Variants in PNPLA6 observed in about 807,000 individuals in gnomAD.
PNPLA6 encodes the protein patatin-like phospholipase domain-containing protein 6.
A neutral mutation model predicts 153.7 loss-of-function variants in PNPLA6; 105 were observed. That is an observed-to-expected ratio of 0.68 (90% confidence interval 0.58 to 0.80). PNPLA6 has a LOEUF of 0.80. Ranked by LOEUF, PNPLA6 falls within the 30% of genes least tolerant of loss-of-function variation. The probability of loss-of-function intolerance (pLI) is 0.00; values close to 1 mark genes in which losing one functional copy is unlikely to be tolerated. For missense variants in PNPLA6, 1,423 were observed against 1,919.3 expected (o/e 0.74, Z 4.83); for synonymous variants, 825 against 822.2 (o/e 1.00, Z -0.06).
chr19:7,555,718 G>A lies in PNPLA6; in HGVS notation c.3048G>A (p.Glu1016=). ...GSFIGALYAE[E]RSASRTKQRA... is the part of the protein sequence containing the mutation. ...TCATCGGAGCGTTGTACGCGGAGGA[G>A]CGCAGCGCCAGCCGCACGAAGCAGC... Residue 1016 remains glutamate (E), a synonymous_variant, in exon 24 of 32, where the codon GAG becomes GAA. Transcript: ENST00000600737. This position sits in a 1 kb window ranked among gnomAD's most constrained non-coding sequence, Gnocchi z 6.3. 2 of 1,613,886 alleles carry A rather than the reference G, an allele frequency of 1.2e-6. No homozygotes were observed. Among genetic ancestry groups the A allele is most frequent in the South Asian group, 1.1e-5 (1 of 91,082 alleles).
At position 7,535,861 on chromosome 19, in the gene PNPLA6, G is replaced by C; in HGVS notation, c.73G>C (p.Asp25His). The C allele has an allele frequency of 6.5e-7, 1 of 1,539,510 alleles. No homozygotes were observed. The highest frequency in any genetic ancestry group is 1.2e-5 in the South Asian group (1 of 84,212). The change falls in exon 1 of 32, where the codon GAC (aspartate) becomes CAC (histidine). Residue 25 changes from aspartate to histidine, a missense_variant. Transcript: ENST00000600737. The surrounding 1 kb of genome is among the most constrained non-coding windows in gnomAD (Gnocchi z 5.0). The part of the protein sequence containing the change: ...AKVAERDGFQ[D>H]VLAPGEGSAG... ...GGTGGCGGAGAGGGATGGGTTCCAG[G>C]ACGTCCTGGCGCCCGGGGAAGGCTC...
chr19:7,554,243 G>A lies in PNPLA6; in HGVS notation c.2436G>A (p.Arg812=), dbSNP rs2023772965. ...PTLLLNSDII[R]ARLGASALDS... ...TACTCCTTAACAGTGACATCATCCG[G>A]GCACGCCTGGGGGCCTCCGCACTGG... Residue 812 remains arginine, a synonymous_variant, in exon 20 of 32, where the codon CGG becomes CGA. Coordinates refer to ENST00000600737, the MANE Select transcript of PNPLA6 (RefSeq NM_001166114.2). 2 of 1,614,134 alleles carry A rather than the reference G, an allele frequency of 1.2e-6. No homozygotes were observed. The highest frequency in any genetic ancestry group is 2.2e-5 in the East Asian group (1 of 44,874).
chr19:7,551,302 G>A, intron 17 of PNPLA6, 60 bp from the exon 18 acceptor site: 8 of 1,531,666 alleles, frequency 5.2e-6, no homozygotes, highest in Non-Finnish European at 7.2e-6. Context: ...GGAGGGAGAG[G>A]TGGGACCTGG....
In PNPLA6 at chr19:7,544,132, A is replaced by G. The variant is rs560118762; in HGVS notation, c.1608+1048A>G. On this transcript the variant is annotated intron_variant, in intron 13 of 31. Transcript: ENST00000600737. The stretch of plus-strand genomic sequence containing the variant: ...CCGGCCTTTTTTTTTTTGTTTTGAG[A>G]CAGAGTCTTGCTGTTGTCACCCAGG... Among the ~76,000 whole-genome samples, 218 of 131,664 alleles carry G rather than the reference A, an allele frequency of 1.7e-3. 2 individuals carry two copies. The highest frequency in any genetic ancestry group is 2.9e-3 in the Non-Finnish European group (185 of 63,738). 86.4% of individuals were successfully genotyped at this position (131,664 alleles called of 152,430 possible).
At chr19:7,538,687 C>T (rs916391704) in intron 3 of PNPLA6, among the ~76,000 whole-genome samples, 1 of 152,160 alleles carries the variant, frequency 6.6e-6, no homozygotes, top group African/African-American at 2.4e-5. Context: ...CTTCAGGGAC[C>T]TCTGTGGCTG....
chr19:7,560,611 G>T, intron 28 of PNPLA6, 37 bp from the exon 29 acceptor site: 2 of 1,369,254 alleles, frequency 1.5e-6, no homozygotes, highest in Non-Finnish European at 2.1e-6. Flanking sequence ...AGCAAAGCAG[G>T]GTTGCAGACA....
rs538850 is a variant in PNPLA6, at chr19:7,559,192, C to T, written c.3699+41C>T. 718,563 of 1,574,920 alleles carry T rather than the reference C, an allele frequency of 0.46. 167,177 individuals are homozygous for T. The highest frequency in any genetic ancestry group is 0.57 in the Admixed American group (33,932 of 59,842). On this transcript the variant is annotated intron_variant, in intron 28 of 31. Coordinates refer to ENST00000600737, the MANE Select transcript of PNPLA6 (RefSeq NM_001166114.2). ...TGGCATGGTGCCTGCATAGGTGGTC[C>T]GGCTAAGCTTTGCTACTTAAAGCCC...
At position 7,541,062 on chromosome 19, in the gene PNPLA6, C is replaced by G. The variant is rs780698004; in HGVS notation, c.924+11C>G. 1 of 1,606,754 alleles carries G rather than the reference C, an allele frequency of 6.2e-7. No homozygotes were observed. The highest frequency in any genetic ancestry group is 8.5e-7 in the Non-Finnish European group (1 of 1,177,738). On this transcript the variant is annotated intron_variant, in intron 7 of 31. Coordinates refer to ENST00000600737, the MANE Select transcript of PNPLA6 (RefSeq NM_001166114.2). The surrounding 1 kb of genome is among the most constrained non-coding windows in gnomAD (Gnocchi z 5.2). Reference sequence around the variant, plus strand: ...GTGCGGGTCGTGCAGGTCAGTGGGCCTTCGCCTCCTGTCACCCCCTGAGGG... The same window carrying G: ...GTGCGGGTCGTGCAGGTCAGTGGGCGTTCGCCTCCTGTCACCCCCTGAGGG...
intron 19 of PNPLA6, 29 bp downstream of exon 19, chr19:7,554,044 G>A (rs772547677): frequency 4.0e-5 from 65 of 1,607,814 alleles, no homozygotes; most frequent in Middle Eastern, 1.8e-4. Flanking sequence ...ATGGGTGGGG[G>A]CTGGCGGTGG....
intron 19 of PNPLA6, 93 bp from the exon 20 acceptor site, chr19:7,554,116 G>A: frequency 6.3e-7 from 1 of 1,576,144 alleles, no homozygotes; most frequent in South Asian, 1.1e-5. Context: ...GGGGAACAGG[G>A]CCACAGGGGC....
chr19:7,542,956 G>T (rs1288442834), intron 12 of PNPLA6, 28 bp downstream of exon 12: 1 of 1,613,778 alleles, frequency 6.2e-7, no homozygotes, highest in Non-Finnish European at 8.5e-7. Context: ...GCTGGGCACA[G>T]GGCGCAAGGG....
At chr19:7,549,769 G>T in intron 13 of PNPLA6, 138 bp from the exon 14 acceptor site, 1 of 835,702 alleles carries the variant, frequency 1.2e-6, no homozygotes, top group Non-Finnish European at 1.9e-6. Context: ...TTACAGCCGT[G>T]AGCCACCGCG....
chr19:7,550,589 T>G lies in PNPLA6; in HGVS notation c.2019T>G (p.Ser673Arg). 6.2e-7 allele frequency: 1 copy of G among 1,613,080 alleles called. No homozygotes were observed. The highest frequency in any genetic ancestry group is 8.5e-7 in the Non-Finnish European group (1 of 1,179,906). Residue 673 changes from serine to arginine, a missense_variant, in exon 16 of 32, where the codon AGT (serine) becomes AGG (arginine). By Grantham distance (110) the Ser-to-Arg change is moderately radical (BLOSUM62 -1). This residue lies in a region of PNPLA6 where 63 missense variants were observed against 166.2 expected (regional missense o/e 0.38). Transcript: ENST00000600737. ...GRLRSVIQRG[S>R]GKKELVGEYG... Reference sequence around the variant, plus strand: ...TGCGTAGCGTGATCCAGCGAGGCAGTGGCAAGAAGGAGCTGGTGGGCGAGT... The same window carrying G: ...TGCGTAGCGTGATCCAGCGAGGCAGGGGCAAGAAGGAGCTGGTGGGCGAGT...
At position 7,535,761 on chromosome 19, in the gene PNPLA6, GA is replaced by G; in HGVS notation, c.-27del. 6.6e-7 allele frequency: 1 copy of G among 1,521,728 alleles called. No individual in the cohort carries two copies. The allele number at this position is 1,521,728 out of a possible 1,614,324, so 94.3% of individuals were successfully genotyped here. On this transcript the variant is annotated 5_prime_UTR_variant, in exon 1 of 32. Coordinates refer to ENST00000600737, the MANE Select transcript of PNPLA6 (RefSeq NM_001166114.2). The surrounding 1 kb of genome is among the most constrained non-coding windows in gnomAD (Gnocchi z 5.0). ...CTCAGGGAAGAGTCGCGCCCCCGGG[GA>G]GGGAGCAGCACTGGCCCATTCTGCA...
At chr19:7,537,933 C>A (rs1439974820) in intron 3 of PNPLA6, among the ~76,000 whole-genome samples, 1 of 152,088 alleles carries the variant, frequency 6.6e-6, no homozygotes, top group Non-Finnish European at 1.5e-5. Flanking sequence ...AGCGACTGAG[C>A]CCGGCCAATG....
chr19:7,540,486 T>C lies in PNPLA6; in HGVS notation c.715-144T>C. The C allele has an allele frequency of 2.1e-6, 2 of 963,348 alleles. No homozygotes were observed. The highest frequency in any genetic ancestry group is 1.6e-6 in the Non-Finnish European group (1 of 611,994). 59.7% of individuals were successfully genotyped at this position (963,348 alleles called of 1,614,324 possible). On this transcript the variant is annotated intron_variant, in intron 5 of 31. Coordinates refer to ENST00000600737, the MANE Select transcript of PNPLA6 (RefSeq NM_001166114.2). This position sits in a 1 kb window ranked among gnomAD's most constrained non-coding sequence, Gnocchi z 6.8. ...CTCAGTAGTTACAAGTATTGAACGA[T>C]GGGAGATGCCTGCTCGTTGGAAGGG...
At position 7,559,139 on chromosome 19, in the gene PNPLA6, C is replaced by T. The variant is rs1246477094; in HGVS notation, c.3687C>T (p.Phe1229=). The change falls in exon 28 of 32, where the codon TTC becomes TTT. Residue 1229 remains phenylalanine (F), a synonymous_variant. Transcript: ENST00000600737. ...DCFKTMDFGK[F]DQIYDVGYQY... ...TCAAGACCATGGACTTTGGGAAGTT[C>T]GACCAGATCTATGTGAGTGGGCAGG... 6 of 1,614,130 alleles carry T rather than the reference C, an allele frequency of 3.7e-6. No individual in the cohort carries two copies. The highest frequency in any genetic ancestry group is 1.3e-5 in the African/African-American group (1 of 75,050).
chr19:7,536,085 A>G, intron 1 of PNPLA6, 65 bp downstream of exon 1: 1 of 1,576,524 alleles, frequency 6.3e-7, no homozygotes, highest in Non-Finnish European at 8.7e-7. Flanking sequence ...CCGGGTCCCG[A>G]GGCGGCAGAG....
At position 7,540,752 on chromosome 19, in the gene PNPLA6, G is replaced by T; in HGVS notation, c.795+42G>T. The T allele has an allele frequency of 1.9e-6, 3 of 1,559,736 alleles. No homozygotes were observed. Among genetic ancestry groups the T allele is most frequent in the Non-Finnish European group, 2.7e-6 (3 of 1,130,318 alleles). On this transcript the variant is annotated intron_variant, in intron 6 of 31. Transcript: ENST00000600737. The surrounding 1 kb of genome is among the most constrained non-coding windows in gnomAD (Gnocchi z 6.8). ...TGAGGCAGGGGGGCTGGGGTGCAAGGTCCCACCCAAGGGACTAGGTTGAAG... is the reference window on the plus strand; with the variant it reads ...TGAGGCAGGGGGGCTGGGGTGCAAGTTCCCACCCAAGGGACTAGGTTGAAG...
Sources: allele counts gnomAD v4.1 joint callset (sites outside exome capture counted in the v4.1 genomes callset), GRCh38; gene constraint gnomAD v4.1.1; regional missense constraint gnomAD v4.1.1; non-coding constraint Gnocchi (gnomAD v3.1); transcripts MANE v1.5; gene names NCBI Gene and HGNC (gene_info 2026-07-23, HGNC 2026-07-21).